Variants in SLC6A9 observed in about 807,000 individuals in gnomAD.
The protein encoded by SLC6A9 is sodium- and chloride-dependent glycine transporter 1.
Under a neutral mutation model 70.9 loss-of-function variants are expected in SLC6A9, and 31 were observed. The observed-to-expected ratio is 0.44, with a 90% CI of 0.33 to 0.59. The LOEUF (loss-of-function observed/expected upper bound fraction) is 0.59. Among genes scored for constraint, SLC6A9 ranks in the 20% least tolerant of loss-of-function variants. SLC6A9 has a pLI of 0.04. For synonymous variants in SLC6A9, 310 were observed against 341.3 expected (o/e 0.91, Z 1.01); for missense variants, 631 against 845.2 (o/e 0.75, Z 3.14).
rs546084039 is a variant in SLC6A9 at position 43,996,889 on chromosome 1, C to T, written c.*656G>A. On this transcript the variant is annotated 3_prime_UTR_variant, in exon 14 of 14. Coordinates refer to ENST00000372310, the MANE Select transcript of SLC6A9 (RefSeq NM_001024845.3). ...TTTGGGCAGGCTGCTGGGTCACGGG[C>T]CCCTGCTGGCTGGGCCTGACAGCCA... The T allele has an allele frequency of 2.6e-5, 4 of 153,034 alleles. No individual in the cohort carries two copies. Among genetic ancestry groups the T allele is most frequent in the African/African-American group, 9.6e-5 (4 of 41,532 alleles). 9.5% of individuals were successfully genotyped at this position (153,034 alleles called of 1,614,324 possible).
chr1:44,019,332 A>G (rs929151323), intron 2 of SLC6A9, among the ~76,000 whole-genome samples: 5 of 152,164 alleles, frequency 3.3e-5, no homozygotes, highest in African/African-American at 1.2e-4. Context: ...TATTATCTCC[A>G]TGTTGGTTTG....
intron 1 of SLC6A9, among the ~76,000 whole-genome samples, chr1:44,028,218 TCAGA>T (rs1226055315): frequency 2.0e-5 from 3 of 152,106 alleles, no homozygotes; most frequent in Non-Finnish European, 4.4e-5. Context: ...AGGCTGGAGC[TCAGA>T]CAGTCAGGGG....
At chr1:44,009,485 A>C (rs1469180469) in intron 4 of SLC6A9, among the ~76,000 whole-genome samples, 2 of 152,142 alleles carry the variant, frequency 1.3e-5, no homozygotes, top group Non-Finnish European at 2.9e-5. Context: ...GGCCTCCCAA[A>C]GTGCTGGGAT....
chr1:44,024,018 G>A (rs1334779542), intron 2 of SLC6A9, among the ~76,000 whole-genome samples: 2 of 152,190 alleles, frequency 1.3e-5, no homozygotes, highest in Non-Finnish European at 2.9e-5. Context: ...TGACAAGGAT[G>A]GGGCCCACAC....
chr1:44,005,802 T>G (rs933216989), intron 5 of SLC6A9, among the ~76,000 whole-genome samples: 3 of 152,242 alleles, frequency 2.0e-5, no homozygotes, highest in African/African-American at 7.2e-5. Flanking sequence ...GGTTGCTCTC[T>G]TCAGGGCCAT....
intron 2 of SLC6A9, among the ~76,000 whole-genome samples, chr1:44,022,921 G>GTCTCAAACTCCTGA (rs1336655144): frequency 2.6e-5 from 4 of 151,856 alleles, no homozygotes; most frequent in Non-Finnish European, 5.9e-5. Flanking sequence ...GGTCAGGCTG[G>GTCTCAAACTCCTGA]TCTCAAACTC....
intron 5 of SLC6A9, among the ~76,000 whole-genome samples, chr1:44,004,257 A>G (rs1285143062): frequency 6.6e-6 from 1 of 152,146 alleles, no homozygotes; most frequent in South Asian, 2.1e-4. Context: ...CAGCCTCCCA[A>G]AGTGCTGGGA....
At chr1:44,012,357 C>A (rs753759185) in intron 2 of SLC6A9, among the ~76,000 whole-genome samples, 17 of 152,324 alleles carry the variant, frequency 1.1e-4, no homozygotes, top group Non-Finnish European at 2.4e-4. Flanking sequence ...GCAGCACAGA[C>A]ACCTTTGTGG....
chr1:44,007,659 T>C (rs1426838285), intron 5 of SLC6A9, among the ~76,000 whole-genome samples: 1 of 152,200 alleles, frequency 6.6e-6, no homozygotes, highest in Non-Finnish European at 1.5e-5. Context: ...CTGAAGCCCA[T>C]GCATTCTCCC....
intron 1 of SLC6A9, among the ~76,000 whole-genome samples, chr1:44,026,413 C>G (rs186894594): frequency 6.6e-6 from 1 of 152,186 alleles, no homozygotes; most frequent in East Asian, 1.9e-4. Flanking sequence ...AATCCCAGCA[C>G]TTTGGGAGGC....
intron 2 of SLC6A9, among the ~76,000 whole-genome samples, chr1:44,015,575 C>T (rs902779966): frequency 6.6e-6 from 1 of 152,258 alleles, no homozygotes; most frequent in Non-Finnish European, 1.5e-5. Context: ...CTCTAAGCCC[C>T]AATGGGGAAT....
In SLC6A9 at chr1:44,024,322, G is replaced by T. The variant is rs751369444; in HGVS notation, c.-45C>A. Reference sequence around the variant, plus strand: ...TCTGGTGACGGGGACCACACTCACAGGCTCTGCTTCCAGCGCCTTTCAGGC... The same window carrying T: ...TCTGGTGACGGGGACCACACTCACATGCTCTGCTTCCAGCGCCTTTCAGGC... On this transcript the variant is annotated 5_prime_UTR_variant, in exon 2 of 14. It adds an upstream start codon to the 5' untranslated region. Coordinates refer to ENST00000372310, the MANE Select transcript of SLC6A9 (RefSeq NM_001024845.3). 1 of 1,612,460 alleles carries T rather than the reference G, an allele frequency of 6.2e-7. No individual in the cohort carries two copies. Among genetic ancestry groups the T allele is most frequent in the Non-Finnish European group, 8.5e-7 (1 of 1,178,422 alleles).
chr1:44,003,248 G>C (rs987355726), intron 5 of SLC6A9, among the ~76,000 whole-genome samples: 5 of 152,242 alleles, frequency 3.3e-5, no homozygotes, highest in African/African-American at 1.2e-4. Context: ...CCACACCCCA[G>C]GCTTGGGTGG....
At chr1:44,019,990 G>C (rs892953280) in intron 2 of SLC6A9, among the ~76,000 whole-genome samples, 2 of 152,226 alleles carry the variant, frequency 1.3e-5, no homozygotes, top group African/African-American at 4.8e-5. Flanking sequence ...CCCGACCAGA[G>C]AGGAAGCTGA....
chr1:44,029,194 C>A (rs2087045333), intron 1 of SLC6A9, among the ~76,000 whole-genome samples: 2 of 152,212 alleles, frequency 1.3e-5, no homozygotes, highest in African/African-American at 2.4e-5. Flanking sequence ...TCAGGTCAAT[C>A]AGTTTTAACG....
At chr1:44,016,698 T>A in intron 2 of SLC6A9, 2 of 182,164 alleles carry the variant, frequency 1.1e-5, no homozygotes, top group Non-Finnish European at 2.2e-5. Flanking sequence ...GCACAGACAA[T>A]GAGGCTGTAT....
chr1:43,997,917 G>A lies in SLC6A9; in HGVS notation c.1645C>T (p.Leu549Phe), dbSNP rs775473084. The change falls in exon 13 of 14, where the codon CTC (leucine) becomes TTC (phenylalanine). Residue 549 changes from leucine (L) to phenylalanine (F), a missense_variant. By Grantham distance (22) the Leu-to-Phe change is conservative (BLOSUM62 0). Coordinates refer to ENST00000372310, the MANE Select transcript of SLC6A9 (RefSeq NM_001024845.3). The surrounding 1 kb of genome is among the most constrained non-coding windows in gnomAD (Gnocchi z 4.4). ...AACATGGCGTAGAGGGGGATGCAGA[G>A]GACGGAGGACAGAGCCATGAGGAAG... is the stretch of plus-strand genomic sequence containing the variant. ...IGFLMALSSVLCIPLYAMFRL... is the reference protein window; with the variant it reads ...IGFLMALSSVFCIPLYAMFRL... 4.3e-6 allele frequency: 7 copies of A among 1,614,074 alleles called. No individual in the cohort carries two copies. Among genetic ancestry groups the A allele is most frequent in the Non-Finnish European group, 5.9e-6 (7 of 1,180,018 alleles).
At chr1:44,010,456 C>CGGGGGGGGGGGGGGGGGGGGGGGGGGGG (rs61601279) in intron 3 of SLC6A9, 2 of 52,672 alleles carry the variant, frequency 3.8e-5, no homozygotes, top group Admixed American at 2.7e-4. Flanking sequence ...GCCTTGTGGG[C>CGGGGGGGGGGGGGGGGGGGGGGGGGGGG]GGGGGGGGGG....
At chr1:43,998,229 C>A (rs890978725) in intron 12 of SLC6A9, among the ~76,000 whole-genome samples, 7 of 152,172 alleles carry the variant, frequency 4.6e-5, no homozygotes, top group African/African-American at 1.7e-4. Context: ...GAAGGCTCTG[C>A]GGAAGGGAGA....
Sources: allele counts gnomAD v4.1 joint callset (sites outside exome capture counted in the v4.1 genomes callset), GRCh38; gene constraint gnomAD v4.1.1; non-coding constraint Gnocchi (gnomAD v3.1); transcripts MANE v1.5; gene names NCBI Gene and HGNC (gene_info 2026-07-23, HGNC 2026-07-21).